Variants in SYNE1 observed in about 807,000 individuals in gnomAD.
The protein encoded by SYNE1 is nesprin-1.
SYNE1 carries 616 observed loss-of-function variants against 1,111.0 expected under a neutral mutation model. That is an observed-to-expected ratio of 0.55 (90% confidence interval 0.52 to 0.59). SYNE1 has a LOEUF of 0.59. Among genes scored for constraint, SYNE1 ranks in the 20% least tolerant of loss-of-function variants. SYNE1 has a pLI of 0.00. For missense variants in SYNE1, 10,006 were observed against 10,417.0 expected (o/e 0.96, Z 1.72); for synonymous variants, 3,855 against 3,825.8 (o/e 1.01, Z -0.28).
At chr6:152,573,530 G>A (rs1222305788) in intron 3 of SYNE1, among the ~76,000 whole-genome samples, 2 of 152,012 alleles carry the variant, frequency 1.3e-5, no homozygotes, top group African/African-American at 4.8e-5. Context: ...AAGCAGGTTG[G>A]ATTCCATTGC....
At chr6:152,377,640 AATATATATATATATATATAT>A (rs1369932106) in intron 56 of SYNE1, among the ~76,000 whole-genome samples, 16 of 33,878 alleles carry the variant, frequency 4.7e-4, no homozygotes, top group Non-Finnish European at 6.2e-4. Flanking sequence ...AAAAAAAAAA[AATATATATATATATATATAT>A]ATATATATAT....
chr6:152,193,602 G>A (rs985052230), intron 127 of SYNE1, among the ~76,000 whole-genome samples: 4 of 152,168 alleles, frequency 2.6e-5, no homozygotes, highest in Admixed American at 1.3e-4. Context: ...ACAGGTGTGA[G>A]CCACCATGCC....
At chr6:152,280,653 C>A (rs986066379) in intron 97 of SYNE1, among the ~76,000 whole-genome samples, 1 of 152,122 alleles carries the variant, frequency 6.6e-6, no homozygotes, top group African/African-American at 2.4e-5. Context: ...GATATCTTCA[C>A]AAGAGAGAGG....
Position 152,155,963 on chromosome 6 carries a change from G to A in SYNE1, c.23925C>T (p.Asn7975=). 6.2e-7 allele frequency: 1 copy of A among 1,614,172 alleles called. No homozygotes were observed. The highest frequency in any genetic ancestry group is 8.5e-7 in the Non-Finnish European group (1 of 1,180,040). The part of the protein sequence containing the change: ...ECDSIQQATR[N]LDRRWRNICA... ...AAATGTTTCTCCACCGCCGGTCCAGGTTTCTCGTAGCCTGCTGTATAGAGT... is the reference window on the plus strand; with the variant it reads ...AAATGTTTCTCCACCGCCGGTCCAGATTTCTCGTAGCCTGCTGTATAGAGT... Residue 7975 remains asparagine, a synonymous_variant, in exon 132 of 146, where the codon AAC becomes AAT. Coordinates refer to ENST00000367255, the MANE Select transcript of SYNE1 (RefSeq NM_182961.4).
rs1591742558 is a variant in SYNE1, at chr6:152,391,500, T to C, written c.7781A>G (p.Glu2594Gly). Reference sequence around the variant, plus strand: ...GAGGAGCTGGGAACACAGGCGGCCCTCCTGCCCAGCACCGTGGCCTTCTTC... The same window carrying C: ...GAGGAGCTGGGAACACAGGCGGCCCCCCTGCCCAGCACCGTGGCCTTCTTC... ...LSEEGHGAGQ[E>G]GRLCSQLLTS... is the part of the protein sequence containing the mutation. Residue 2594 changes from glutamate (E) to glycine (G), a missense_variant, in exon 52 of 146, where the codon GAG becomes GGG. Glu to Gly is a moderately conservative substitution (Grantham distance 98). This residue lies in a region of SYNE1 where 4,955 missense variants were observed against 5,017.2 expected (regional missense o/e 0.99). Coordinates refer to ENST00000367255, the MANE Select transcript of SYNE1 (RefSeq NM_182961.4). 1 of 1,602,040 alleles carries C rather than the reference T, an allele frequency of 6.2e-7. No homozygotes were observed. The highest frequency in any genetic ancestry group is 1.4e-5 in the African/African-American group (1 of 71,306).
At chr6:152,311,226 C>G in intron 87 of SYNE1, 1 of 278,026 alleles carries the variant, frequency 3.6e-6, no homozygotes. Context: ...ATTTGTATCT[C>G]TGGGTCTCCA....
At position 152,429,521 on chromosome 6, in the gene SYNE1, T is replaced by C. The variant is rs187115652; in HGVS notation, c.4788+591A>G. On this transcript the variant is annotated intron_variant, in intron 36 of 145. Transcript: ENST00000367255. ...TTTCTATTACATACACCTTTATAAA[T>C]GTTCGTGCACACATGAACATGCAAT... Among the ~76,000 whole-genome samples, 8 of 152,320 alleles carry C rather than the reference T, an allele frequency of 5.3e-5. No individual in the cohort carries two copies. In the East Asian group the frequency reaches 1.4e-3, roughly 26 times the overall value.
At chr6:152,326,169 G>A (rs2096062522) in intron 79 of SYNE1, 67 bp from the exon 80 acceptor site, 2 of 1,613,050 alleles carry the variant, frequency 1.2e-6, no homozygotes, top group East Asian at 2.2e-5. Flanking sequence ...AAGCTCTGGT[G>A]TCAGTATGTC....
At chr6:152,514,126 G>A (rs1483782787) in intron 6 of SYNE1, among the ~76,000 whole-genome samples, 2 of 152,166 alleles carry the variant, frequency 1.3e-5, no homozygotes, top group Non-Finnish European at 2.9e-5. Context: ...CCCCATTACT[G>A]GGTATATACC....
chr6:152,364,819 C>T, intron 63 of SYNE1, 28 bp downstream of exon 63: 2 of 1,613,986 alleles, frequency 1.2e-6, no homozygotes, highest in Non-Finnish European at 1.7e-6. Context: ...TAATAGCTTC[C>T]CCAGTGCTTG....
chr6:152,371,512 T>G (rs965159962), intron 59 of SYNE1, among the ~76,000 whole-genome samples: 1 of 143,728 alleles, frequency 7.0e-6, no homozygotes, highest in Non-Finnish European at 1.5e-5. Flanking sequence ...GAGAATGAAC[T>G]AATACACCAC....
At chr6:152,327,532 G>A (rs921044095) in intron 78 of SYNE1, among the ~76,000 whole-genome samples, 2 of 152,152 alleles carry the variant, frequency 1.3e-5, no homozygotes, top group Non-Finnish European at 2.9e-5. Flanking sequence ...GACAAGATAA[G>A]CCGCAACTGT....
Position 152,236,634 on chromosome 6 carries a change from A to C in SYNE1, c.20199+183T>G, listed in dbSNP as rs9479274. On this transcript the variant is annotated intron_variant, in intron 109 of 145. Coordinates refer to ENST00000367255, the MANE Select transcript of SYNE1 (RefSeq NM_182961.4). ...TCAAAAAGAGCTCTCAGTAAAAAAAAGAAAAAAGAAAGACTTTTAATAATG... is the reference window on the plus strand; with the variant it reads ...TCAAAAAGAGCTCTCAGTAAAAAAACGAAAAAAGAAAGACTTTTAATAATG... Among the ~76,000 whole-genome samples the C allele has an allele frequency of 0.016, 2,426 of 152,324 alleles. 52 individuals are homozygous for C. The highest frequency in any genetic ancestry group is 0.056 in the African/African-American group (2,336 of 41,562).
chr6:152,216,945 C>T (rs1417332080), intron 121 of SYNE1, among the ~76,000 whole-genome samples: 1 of 151,852 alleles, frequency 6.6e-6, no homozygotes, highest in African/African-American at 2.4e-5. Context: ...TGCCTGTAGT[C>T]CCAGCTATTT....
At chr6:152,312,898 G>A (rs866891587) in intron 87 of SYNE1, among the ~76,000 whole-genome samples, 6 of 152,014 alleles carry the variant, frequency 3.9e-5, no homozygotes, top group African/African-American at 9.7e-5. Context: ...CCTCAAAAGC[G>A]GGTTCTTGAA....
At chr6:152,364,682 G>A (rs1273188065) in intron 63 of SYNE1, among the ~76,000 whole-genome samples, 165 bp downstream of exon 63, 1 of 123,724 alleles carries the variant, frequency 8.1e-6, no homozygotes, top group Non-Finnish European at 1.7e-5. Flanking sequence ...GAGGAAGGAG[G>A]AAGGAGGAAG....
chr6:152,152,095 A>T lies in SYNE1; in HGVS notation c.24176T>A (p.Ile8059Asn), dbSNP rs1563056001. Residue 8059 changes from isoleucine (I) to asparagine (N), a missense_variant, in exon 134 of 146, where the codon ATC becomes AAC. Ile to Asn is a moderately radical substitution (Grantham distance 149). This residue lies in a region of SYNE1 where 2,182 missense variants were observed against 2,287.8 expected (regional missense o/e 0.95). Transcript: ENST00000367255. ...GGCCAGGCGGCGGTACTGCTTGTTG[A>T]TCAGTTCCAGCTGCGTCAGGCACTC... ...VHECLTQLEL[I>N]NKQYRRLARE... 4 of 1,614,138 alleles carry T rather than the reference A, an allele frequency of 2.5e-6. No individual in the cohort carries two copies. The highest frequency in any genetic ancestry group is 3.4e-6 in the Non-Finnish European group (4 of 1,180,026).
chr6:152,433,628 C>A, intron 34 of SYNE1, 167 bp downstream of exon 34: 1 of 701,414 alleles, frequency 1.4e-6, no homozygotes, highest in Non-Finnish European at 2.4e-6. Context: ...AAATGTTGCC[C>A]AGTATTAATC....
rs79428643 is a variant in SYNE1 at position 152,399,844 on chromosome 6, A to T, written c.7030-21T>A. On this transcript the variant is annotated intron_variant, in intron 47 of 145. Coordinates refer to ENST00000367255, the MANE Select transcript of SYNE1 (RefSeq NM_182961.4). ...ATATCCTACAGAATAAAAGTATATT[A>T]TGAAGGATATTCATAACTTGAGAGA... The T allele has an allele frequency of 9.9e-3, 15,904 of 1,607,480 alleles. 1,229 individuals are homozygous for T. In the African/African-American group the frequency reaches 0.18, roughly 18 times the overall value.
Sources: allele counts gnomAD v4.1 joint callset (sites outside exome capture counted in the v4.1 genomes callset), GRCh38; gene constraint gnomAD v4.1.1; regional missense constraint gnomAD v4.1.1; transcripts MANE v1.5; gene names NCBI Gene and HGNC (gene_info 2026-07-23, HGNC 2026-07-21).